FRMD4B: variants seen among roughly 807,000 people sequenced by gnomAD.
FRMD4B encodes the protein FERM domain containing 4B.
Under a neutral mutation model 141.5 loss-of-function variants are expected in FRMD4B, and 74 were observed. That is an observed-to-expected ratio of 0.52 (90% CI 0.43 to 0.63). The LOEUF is 0.63. Ranked by LOEUF, FRMD4B falls within the 30% of genes least tolerant of loss-of-function variation. The pLI, the probability that FRMD4B is intolerant of heterozygous loss-of-function variation, is 0.00. For missense variants in FRMD4B, 1,366 were observed against 1,253.4 expected, an observed-to-expected ratio of 1.09 and a Z score of -1.36; for synonymous variants, 506 against 467.9, an observed-to-expected ratio of 1.08 and a Z score of -1.05.
chr3:69,278,397 C>G (rs1021141203), intron 5 of FRMD4B, among the ~76,000 whole-genome samples: 2 of 152,158 alleles, frequency 1.3e-5, no homozygotes, highest in African/African-American at 4.8e-5. Context: ...CTCCTGGGCT[C>G]AAGTGATCCT....
At chr3:69,479,614 A>T (rs902217457) in intron 1 of FRMD4B, among the ~76,000 whole-genome samples, 2 of 152,158 alleles carry the variant, frequency 1.3e-5, no homozygotes, top group Non-Finnish European at 2.9e-5. Context: ...GGGTAACCCA[A>T]CCTTTCTCTC....
chr3:69,427,313 T>C (rs907546537), intron 2 of FRMD4B, among the ~76,000 whole-genome samples: 2 of 148,512 alleles, frequency 1.3e-5, no homozygotes, highest in African/African-American at 4.9e-5. Context: ...TATTGTTATA[T>C]ATTACTTAAT....
At chr3:69,285,496 C>T (rs1278112656) in intron 5 of FRMD4B, among the ~76,000 whole-genome samples, 2 of 151,326 alleles carry the variant, frequency 1.3e-5, no homozygotes, top group Non-Finnish European at 2.9e-5. Flanking sequence ...CAATGACACA[C>T]ACACATACAC....
chr3:69,541,001 G>T (rs1701176047), intron 1 of FRMD4B, among the ~76,000 whole-genome samples: 1 of 152,178 alleles, frequency 6.6e-6, no homozygotes, highest in Admixed American at 6.5e-5. Context: ...ATGAGGTTAA[G>T]TAAGGCGAAG....
At chr3:69,185,069 C>T (rs191178559) in intron 19 of FRMD4B, among the ~76,000 whole-genome samples, 28 of 152,030 alleles carry the variant, frequency 1.8e-4, no homozygotes, top group Non-Finnish European at 3.5e-4. Flanking sequence ...TTTGGGAGGC[C>T]GAGGTGGGTG....
At chr3:69,251,063 C>G (rs1170106024) in intron 5 of FRMD4B, among the ~76,000 whole-genome samples, 1 of 151,992 alleles carries the variant, frequency 6.6e-6, no homozygotes, top group Non-Finnish European at 1.5e-5. Flanking sequence ...TATTACTAAA[C>G]CATATTATAA....
intron 1 of FRMD4B, among the ~76,000 whole-genome samples, chr3:69,519,050 C>G (rs1409942268): frequency 6.6e-6 from 1 of 152,138 alleles, no homozygotes; most frequent in Non-Finnish European, 1.5e-5. Context: ...AACAGGCACC[C>G]CAGTGATCAT....
At chr3:69,390,402 C>T (rs1704355828), upstream of FRMD4B, among the ~76,000 whole-genome samples, 1 of 152,180 alleles carries the variant, frequency 6.6e-6, no homozygotes, top group Admixed American at 6.5e-5. Context: ...TTTATACCTC[C>T]CTCCCATGCT....
intron 4 of FRMD4B, among the ~76,000 whole-genome samples, chr3:69,299,175 G>T (rs927198342): frequency 2.0e-5 from 3 of 152,068 alleles, no homozygotes; most frequent in African/African-American, 7.3e-5. Context: ...AAGGAAGGAA[G>T]AAATGTTTCT....
At chr3:69,325,085 AAAAG>A (rs1553724230) in intron 1 of FRMD4B, among the ~76,000 whole-genome samples, 10 of 80,006 alleles carry the variant, frequency 1.2e-4, no homozygotes, top group African/African-American at 4.7e-4. Context: ...TAAAAAAAAA[AAAAG>A]AAAGAAAGAA....
intron 1 of FRMD4B, among the ~76,000 whole-genome samples, chr3:69,327,805 TTCTTAA>T (rs1452273462): frequency 2.6e-5 from 4 of 152,166 alleles, no homozygotes; most frequent in African/African-American, 9.7e-5. Context: ...TATAGAAAAA[TTCTTAA>T]TCTTAACATC....
chr3:69,335,649 A>AGGT (rs1702521894), intron 1 of FRMD4B, among the ~76,000 whole-genome samples: 1 of 151,248 alleles, frequency 6.6e-6, no homozygotes, highest in Non-Finnish European at 1.5e-5. Context: ...CTCTCTAGAC[A>AGGT]ATTTTTCCCC....
At chr3:69,447,209 C>G (rs527400965) in intron 1 of FRMD4B, among the ~76,000 whole-genome samples, 1 of 152,268 alleles carries the variant, frequency 6.6e-6, no homozygotes, top group Admixed American at 6.5e-5. Flanking sequence ...TTATAAGTCT[C>G]TTTTACATAC....
At chr3:69,361,514 C>A (rs1216953436) in intron 1 of FRMD4B, among the ~76,000 whole-genome samples, 1 of 152,086 alleles carries the variant, frequency 6.6e-6, no homozygotes. Context: ...CTTTCCCTAC[C>A]TCCCATAACA....
chr3:69,418,810 C>A (rs935514757), intron 2 of FRMD4B, among the ~76,000 whole-genome samples: 2 of 150,814 alleles, frequency 1.3e-5, no homozygotes, highest in Non-Finnish European at 3.0e-5. Flanking sequence ...AGACTCCTGG[C>A]CCATAGCAAC....
At chr3:69,455,771 A>G (rs1705593576) in intron 1 of FRMD4B, among the ~76,000 whole-genome samples, 1 of 152,146 alleles carries the variant, frequency 6.6e-6, no homozygotes, top group African/African-American at 2.4e-5. Context: ...TGTAATTCCA[A>G]TTTTTTAATG....
chr3:69,385,848 C>A lies in FRMD4B; in HGVS notation c.142G>T (p.Gly48Trp), dbSNP rs748038460. ...CTCACCTGGTACACGTCCTGCAGCC[C>A]GCACCACGTCCGCAGCACCTGGTGG... ...ACHQVLRTWC[G>W]LQDVYQMTEG... Residue 48 changes from glycine (G) to tryptophan (W), a missense_variant, in exon 1 of 23, where the codon GGG becomes TGG. Physicochemically the swap from Gly to Trp is radical, Grantham distance 184. Coordinates refer to ENST00000398540, the MANE Select transcript of FRMD4B (RefSeq NM_015123.3). The A allele has an allele frequency of 1.3e-6, 2 of 1,593,212 alleles. No individual in the cohort carries two copies. Among genetic ancestry groups the A allele is most frequent in the Non-Finnish European group, 8.5e-7 (1 of 1,170,442 alleles).
chr3:69,323,650 A>G (rs1702091384), intron 1 of FRMD4B, among the ~76,000 whole-genome samples: 1 of 114,938 alleles, frequency 8.7e-6, no homozygotes, highest in Non-Finnish European at 1.8e-5. Context: ...ATATATATAT[A>G]TATGCGTTTT....
At chr3:69,496,637 A>AAGAGAGAGAGAGAGAGAG (rs1169584495) in intron 1 of FRMD4B, among the ~76,000 whole-genome samples, 24 of 56,516 alleles carry the variant, frequency 4.2e-4, no homozygotes, top group Non-Finnish European at 5.9e-4. Context: ...GAGAGAGAGA[A>AAGAGAGAGAGAGAGAGAG]AGAGAGAGAG....
Sources: gnomAD v4.1 joint callset for allele counts (sites outside exome capture counted in the v4.1 genomes callset) on GRCh38, gnomAD v4.1.1 for gene constraint, MANE v1.5 for transcripts, NCBI Gene and HGNC (gene_info 2026-07-23, HGNC 2026-07-21) for gene names.